Variants in BASP1 observed in about 807,000 individuals in gnomAD.
BASP1 encodes brain acid soluble protein 1.
A neutral mutation model predicts 2.2 loss-of-function variants in BASP1; 1 was observed. That is an observed-to-expected ratio of 0.46 (90% CI 0.16 to 2.17). The LOEUF is 2.17. BASP1 is among the 30% of genes most tolerant of loss of function. The pLI, the probability that BASP1 is intolerant of heterozygous loss-of-function variation, is 0.27. For synonymous variants in BASP1, 187 were observed against 154.2 expected, an observed-to-expected ratio of 1.21 and a Z score of -1.58; for missense variants, 352 against 327.2, an observed-to-expected ratio of 1.08 and a Z score of -0.58.
In BASP1 at chr5:17,263,349, G is replaced by A. The variant is rs538707078; in HGVS notation, c.-9-11859G>A. 6.6e-5 allele frequency among the ~76,000 whole-genome samples: 10 copies of A among 151,420 alleles called. No homozygotes were observed. In the South Asian group the frequency reaches 2.1e-3, roughly 32 times the overall value. On this transcript the variant is annotated intron_variant, in intron 1 of 1. Coordinates refer to ENST00000322611, the MANE Select transcript of BASP1 (RefSeq NM_006317.5). Reference sequence around the variant, plus strand: ...AGGGTCTCACTATTTTGCCCAGGCTGGTCTCAAACTCCTGGGCTCAAGTGA... The same window carrying A: ...AGGGTCTCACTATTTTGCCCAGGCTAGTCTCAAACTCCTGGGCTCAAGTGA...
rs1270880178 is a variant in BASP1, at chr5:17,275,969, C to CTA, written c.*71_*72dup. 1.0e-5 allele frequency: 10 copies of CTA among 987,418 alleles called. No homozygotes were observed. Among genetic ancestry groups the CTA allele is most frequent in the African/African-American group, 1.7e-5 (1 of 57,750 alleles). The allele number at this position is 987,418 out of a possible 1,614,324, so 61.2% of individuals were successfully genotyped here. A position where few individuals can be genotyped will look rare whatever the true frequency, so the allele number is the denominator to read the frequency against. ...CCTCTCTCTCTCTCTCTCTCTCTCT[C>CTA]TATCTCTCTCTCTATCTCCTCTCTC... On this transcript the variant is annotated 3_prime_UTR_variant, in exon 2 of 2. Transcript: ENST00000322611. The surrounding 1 kb of genome is among the most constrained non-coding windows in gnomAD (Gnocchi z 5.3).
intron 1 of BASP1, among the ~76,000 whole-genome samples, chr5:17,266,814 CAA>C (rs70943882): frequency 5.7e-4 from 64 of 111,466 alleles, no homozygotes; most frequent in African/African-American, 2.2e-3. Context: ...GATCCTGTCT[CAA>C]AAAAAAAAAA....
At chr5:17,221,863 G>A (rs1029586823) in intron 1 of BASP1, among the ~76,000 whole-genome samples, 8 of 152,062 alleles carry the variant, frequency 5.3e-5, no homozygotes, top group African/African-American at 9.7e-5. Context: ...TCAGGAAATC[G>A]TATAAAGACT....
At chr5:17,244,492 C>T (rs1739937066) in intron 1 of BASP1, among the ~76,000 whole-genome samples, 1 of 152,134 alleles carries the variant, frequency 6.6e-6, no homozygotes, top group South Asian at 2.1e-4. Context: ...CAGAGGAATC[C>T]TGGGAGTCAT....
At position 17,275,382 on chromosome 5, in the gene BASP1, G is replaced by C; in HGVS notation, c.166G>C (p.Glu56Gln). The C allele has an allele frequency of 2.5e-6, 4 of 1,594,982 alleles. No homozygotes were observed. The highest frequency in any genetic ancestry group is 3.4e-6 in the Non-Finnish European group (4 of 1,171,174). ...GCCCGCCGAGGCCAAGGAGGGCAAG[G>C]AGAAGCCCGACCAGGACGCCGAGGG... ...AEPAEAKEGKEKPDQDAEGKA... is the reference protein window; with the variant it reads ...AEPAEAKEGKQKPDQDAEGKA... The change falls in exon 2 of 2, where the codon GAG (glutamate) becomes CAG (glutamine). Residue 56 changes from glutamate (E) to glutamine (Q), a missense_variant. Transcript: ENST00000322611. This position sits in a 1 kb window ranked among gnomAD's most constrained non-coding sequence, Gnocchi z 5.3.
chr5:17,257,734 C>T (rs1435423073), intron 1 of BASP1, among the ~76,000 whole-genome samples: 5 of 152,124 alleles, frequency 3.3e-5, no homozygotes, highest in South Asian at 2.1e-4. Flanking sequence ...CATCAAAGTT[C>T]CGCTTGAACT....
Position 17,258,930 on chromosome 5 carries a change from A to T in BASP1, c.-9-16278A>T, listed in dbSNP as rs936208115. ...AATCTGGGGAGATACATTTGAATTT[A>T]TAAGGAGGGACCAGATGACAAATGT... On this transcript the variant is annotated intron_variant, in intron 1 of 1. Coordinates refer to ENST00000322611, the MANE Select transcript of BASP1 (RefSeq NM_006317.5). Among the ~76,000 whole-genome samples, 4 of 152,228 alleles carry T rather than the reference A, an allele frequency of 2.6e-5. No individual in the cohort carries two copies. In the East Asian group the frequency reaches 7.7e-4, roughly 29 times the overall value.
chr5:17,269,419 T>C (rs956061350), intron 1 of BASP1, among the ~76,000 whole-genome samples: 1 of 152,190 alleles, frequency 6.6e-6, no homozygotes, highest in Non-Finnish European at 1.5e-5. Context: ...AGGACCAGGC[T>C]GGTGTGATGA....
At chr5:17,231,996 T>C (rs561256144) in intron 1 of BASP1, among the ~76,000 whole-genome samples, 1 of 152,230 alleles carries the variant, frequency 6.6e-6, no homozygotes, top group African/African-American at 2.4e-5. Flanking sequence ...TTGTGCTTAC[T>C]ATGAAGATGA....
intron 1 of BASP1, among the ~76,000 whole-genome samples, chr5:17,272,311 C>T (rs1341514085): frequency 1.3e-5 from 2 of 152,100 alleles, no homozygotes; most frequent in Non-Finnish European, 2.9e-5. Context: ...AGCTTTGCCC[C>T]ATTGCCGGCT....
chr5:17,218,240 C>A (rs1280805889), intron 1 of BASP1, among the ~76,000 whole-genome samples: 1 of 96,340 alleles, frequency 1.0e-5, no homozygotes. Flanking sequence ...GGAGAAAGCG[C>A]TCGGGGCGAG....
intron 1 of BASP1, among the ~76,000 whole-genome samples, chr5:17,219,896 G>A (rs1739363602): frequency 6.6e-6 from 1 of 152,154 alleles, no homozygotes; most frequent in Non-Finnish European, 1.5e-5. Context: ...GATTAGGTTC[G>A]CAATGATTCC....
rs1055693984 is a variant in BASP1 at position 17,251,707 on chromosome 5, G to A, written c.-9-23501G>A. Among the ~76,000 whole-genome samples, 1 of 152,224 alleles carries A rather than the reference G, an allele frequency of 6.6e-6. No individual in the cohort carries two copies. The highest frequency in any genetic ancestry group is 1.5e-5 in the Non-Finnish European group (1 of 68,040). On this transcript the variant is annotated intron_variant, in intron 1 of 1. Coordinates refer to ENST00000322611, the MANE Select transcript of BASP1 (RefSeq NM_006317.5). This position sits in a 1 kb window ranked among gnomAD's most constrained non-coding sequence, Gnocchi z 4.0. ...AAGCATTGGATGTGAGGGTAGCGGT[G>A]GTGGTGGTGAAAGTTGGTCCAGAAA...
chr5:17,275,739 G>C lies in BASP1; in HGVS notation c.523G>C (p.Gly175Arg). Residue 175 changes from glycine (G) to arginine (R), a missense_variant, in exon 2 of 2, where the codon GGC (glycine) becomes CGC (arginine). Gly to Arg is a moderately radical substitution (Grantham distance 125, BLOSUM62 -2). Coordinates refer to ENST00000322611, the MANE Select transcript of BASP1 (RefSeq NM_006317.5). The surrounding 1 kb of genome is among the most constrained non-coding windows in gnomAD (Gnocchi z 5.3). The part of the protein sequence containing the change: ...DGAPASDSKP[G>R]SSEAAPSSKE... ...GGCCCCAGCTTCAGACTCAAAACCCGGCAGCTCGGAGGCTGCCCCCTCTTC... is the reference window on the plus strand; with the variant it reads ...GGCCCCAGCTTCAGACTCAAAACCCCGCAGCTCGGAGGCTGCCCCCTCTTC... 1 of 1,611,722 alleles carries C rather than the reference G, an allele frequency of 6.2e-7. No individual in the cohort carries two copies. Among genetic ancestry groups the C allele is most frequent in the Non-Finnish European group, 8.5e-7 (1 of 1,179,252 alleles).
chr5:17,272,752 A>G (rs930702901), intron 1 of BASP1, among the ~76,000 whole-genome samples: 8 of 152,180 alleles, frequency 5.3e-5, no homozygotes, highest in African/African-American at 1.9e-4. Flanking sequence ...CTTACTTATA[A>G]CTTGATTACG....
chr5:17,243,550 GCA>G (rs1485646569), intron 1 of BASP1, among the ~76,000 whole-genome samples: 4 of 152,184 alleles, frequency 2.6e-5, no homozygotes, highest in Admixed American at 6.5e-5. Flanking sequence ...GATTGGCCAG[GCA>G]CAGAGTAATG....
At chr5:17,250,807 C>T (rs549989952) in intron 1 of BASP1, among the ~76,000 whole-genome samples, 14 of 151,872 alleles carry the variant, frequency 9.2e-5, no homozygotes, top group African/African-American at 1.2e-4. Flanking sequence ...GGTTTCACTG[C>T]GTTAGCCAGG....
intron 1 of BASP1, among the ~76,000 whole-genome samples, chr5:17,234,894 GCT>G (rs1246382978): frequency 6.6e-6 from 1 of 152,114 alleles, no homozygotes; most frequent in African/African-American, 2.4e-5. Context: ...TATTCAATTG[GCT>G]ATTATTTAAA....
chr5:17,238,063 T>A (rs1047760449), intron 1 of BASP1, among the ~76,000 whole-genome samples: 7 of 152,192 alleles, frequency 4.6e-5, no homozygotes, highest in Non-Finnish European at 8.8e-5. Context: ...TTTGGATGGA[T>A]ATACACAGTT....
Sources: gnomAD v4.1 joint callset for allele counts (sites outside exome capture counted in the v4.1 genomes callset) on GRCh38, gnomAD v4.1.1 for gene constraint, Gnocchi (gnomAD v3.1) non-coding constraint, MANE v1.5 for transcripts, NCBI Gene and HGNC (gene_info 2026-07-23, HGNC 2026-07-21) for gene names.